Variants in CNTN4 observed in about 807,000 individuals in gnomAD.
CNTN4 encodes contactin-4.
A neutral mutation model predicts 122.5 loss-of-function variants in CNTN4; 77 were observed. The observed-to-expected ratio is 0.63, with a 90% CI of 0.52 to 0.76. The LOEUF (loss-of-function observed/expected upper bound fraction) is 0.76, where lower values mean the gene tolerates loss of function less well. CNTN4 is among the 30% of genes least tolerant of loss of function. The probability of loss-of-function intolerance (pLI) is 0.00; values close to 1 mark genes in which losing one functional copy is unlikely to be tolerated. For synonymous variants in CNTN4, 512 were observed against 447.0 expected (o/e 1.15, Z -1.83); for missense variants, 1,256 against 1,259.1 (o/e 1.00, Z 0.04).
chr3:2,592,628 CT>C (rs1243577792), intron 4 of CNTN4, among the ~76,000 whole-genome samples: 2 of 152,178 alleles, frequency 1.3e-5, no homozygotes, highest in Non-Finnish European at 2.9e-5. Context: ...TAAGACAGAA[CT>C]TTGTGCCTCC....
At chr3:2,424,040 C>G (rs565227631) in intron 3 of CNTN4, among the ~76,000 whole-genome samples, 4 of 150,020 alleles carry the variant, frequency 2.7e-5, no homozygotes, top group Admixed American at 6.7e-5. Flanking sequence ...TTTCAAAATT[C>G]TCATAAAAGA....
At chr3:2,287,820 G>A (rs1443844754) in intron 2 of CNTN4, among the ~76,000 whole-genome samples, 1 of 151,856 alleles carries the variant, frequency 6.6e-6, no homozygotes, top group African/African-American at 2.4e-5. Context: ...GGAAGAGGAA[G>A]AAGAAGAAGG....
At chr3:3,030,707 A>G in intron 15 of CNTN4, 148 bp from the exon 16 acceptor site, 1 of 936,222 alleles carries the variant, frequency 1.1e-6, no homozygotes, top group East Asian at 2.6e-5. Flanking sequence ...AGGCAGGCTC[A>G]CATATTTTTA....
intron 14 of CNTN4, among the ~76,000 whole-genome samples, chr3:2,998,892 G>A (rs1001017796): frequency 6.6e-6 from 1 of 152,170 alleles, no homozygotes; most frequent in African/African-American, 2.4e-5. Context: ...TAGAAATTTT[G>A]CTTCTTCTAA....
intron 6 of CNTN4, among the ~76,000 whole-genome samples, chr3:2,799,098 T>A (rs2092283785): frequency 6.6e-6 from 1 of 152,224 alleles, no homozygotes; most frequent in Non-Finnish European, 1.5e-5. Flanking sequence ...TCAGTGATGT[T>A]GAACATTTTT....
At chr3:2,715,950 A>G (rs1274251604) in intron 4 of CNTN4, among the ~76,000 whole-genome samples, 1 of 152,052 alleles carries the variant, frequency 6.6e-6, no homozygotes, top group African/African-American at 2.4e-5. Flanking sequence ...TCCCCATTAC[A>G]TGTTTTAATT....
At chr3:2,314,356 T>A (rs6771821) in intron 2 of CNTN4, among the ~76,000 whole-genome samples, 18,916 of 151,862 alleles carry the variant, frequency 0.12, 1,437 homozygotes, top group Non-Finnish European at 0.17. Context: ...ACTAAAAAAA[T>A]TTTTTAATGA....
chr3:2,912,219 C>T (rs1173504991), intron 12 of CNTN4, among the ~76,000 whole-genome samples: 2 of 152,194 alleles, frequency 1.3e-5, no homozygotes, highest in Non-Finnish European at 2.9e-5. Flanking sequence ...AACAAGTGTG[C>T]ATCTGTAAGA....
intron 2 of CNTN4, among the ~76,000 whole-genome samples, chr3:2,285,566 A>C (rs1226253230): frequency 2.0e-5 from 3 of 152,126 alleles, no homozygotes; most frequent in Non-Finnish European, 2.9e-5. Flanking sequence ...GGGAGATAAC[A>C]AAATGAGAGC....
chr3:2,982,020 A>G (rs1409253622), intron 13 of CNTN4, among the ~76,000 whole-genome samples: 1 of 152,340 alleles, frequency 6.6e-6, no homozygotes, highest in East Asian at 1.9e-4. Context: ...CCTGGGTGAC[A>G]CAGCAAGACT....
intron 6 of CNTN4, among the ~76,000 whole-genome samples, chr3:2,788,441 C>T (rs1019953792): frequency 6.6e-6 from 1 of 152,174 alleles, no homozygotes; most frequent in African/African-American, 2.4e-5. Context: ...TAATTGATCT[C>T]TCATATGACA....
intron 3 of CNTN4, among the ~76,000 whole-genome samples, chr3:2,439,376 T>C (rs2048356806): frequency 6.6e-6 from 1 of 152,226 alleles, no homozygotes; most frequent in South Asian, 2.1e-4. Flanking sequence ...TTCTGTTGGA[T>C]CTGGCAAACC....
chr3:2,740,188 T>C (rs1255556429), intron 5 of CNTN4, among the ~76,000 whole-genome samples: 3 of 152,066 alleles, frequency 2.0e-5, no homozygotes, highest in Non-Finnish European at 4.4e-5. Flanking sequence ...AAGACCCCCA[T>C]CTCTACAAAA....
chr3:2,515,831 TG>T (rs2077023723), intron 3 of CNTN4, among the ~76,000 whole-genome samples: 1 of 152,174 alleles, frequency 6.6e-6, no homozygotes, highest in South Asian at 2.1e-4. Flanking sequence ...TAGTGCTTTT[TG>T]TTTCTTCCAC....
intron 3 of CNTN4, among the ~76,000 whole-genome samples, chr3:2,501,582 T>C (rs1397850673): frequency 6.6e-6 from 1 of 152,144 alleles, no homozygotes; most frequent in Non-Finnish European, 1.5e-5. Context: ...GCTAGCAGTG[T>C]ACCATCTTCA....
At chr3:2,481,067 T>TTCTTTCTTTCTTTCTC (rs1559592822) in intron 3 of CNTN4, among the ~76,000 whole-genome samples, 6 of 144,120 alleles carry the variant, frequency 4.2e-5, no homozygotes, top group East Asian at 2.0e-4. Context: ...CTTTCTCTCT[T>TTCTTTCTTTCTTTCTC]TCTCTCTTTC....
chr3:2,517,666 A>G (rs1040292988), intron 3 of CNTN4, among the ~76,000 whole-genome samples: 1 of 152,198 alleles, frequency 6.6e-6, no homozygotes, highest in African/African-American at 2.4e-5. Flanking sequence ...TCTGCTGGAC[A>G]TGGACTCAAT....
At position 2,709,447 on chromosome 3, in the gene CNTN4, G is replaced by A. The variant is rs778229288; in HGVS notation, c.56-26768G>A. ...TTCAAAGTTCCCTCAGGTGATCATC[G>A]TGTGCAATGGGGGATGGGAACTACT... On this transcript the variant is annotated intron_variant, in intron 4 of 24. Coordinates refer to ENST00000418658, the MANE Select transcript of CNTN4 (RefSeq NM_175607.3). The surrounding 1 kb of genome is among the most constrained non-coding windows in gnomAD (Gnocchi z 5.0). Among the ~76,000 whole-genome samples the A allele has an allele frequency of 1.2e-4, 18 of 152,130 alleles. No homozygotes were observed. Among genetic ancestry groups the A allele is most frequent in the Non-Finnish European group, 2.1e-4 (14 of 67,986 alleles).
At chr3:2,874,830 A>G (rs901922321) in intron 8 of CNTN4, among the ~76,000 whole-genome samples, 6 of 152,162 alleles carry the variant, frequency 3.9e-5, no homozygotes, top group Non-Finnish European at 8.8e-5. Context: ...ATTTGTTTTA[A>G]CTAGGAATTG....
Sources: gnomAD v4.1 joint callset for allele counts (sites outside exome capture counted in the v4.1 genomes callset) on GRCh38, gnomAD v4.1.1 for gene constraint, Gnocchi (gnomAD v3.1) non-coding constraint, MANE v1.5 for transcripts, NCBI Gene and HGNC (gene_info 2026-07-23, HGNC 2026-07-21) for gene names.